Variants in IRAK4 observed in about 807,000 individuals in gnomAD.
IRAK4 encodes interleukin-1 receptor-associated kinase 4.
Under a neutral mutation model 51.8 loss-of-function variants are expected in IRAK4, and 44 were observed. The observed-to-expected ratio is 0.85, with a 90% CI of 0.67 to 1.09. The LOEUF (loss-of-function observed/expected upper bound fraction) is 1.09, where lower values mean the gene tolerates loss of function less well. IRAK4 is among the 50% of genes least tolerant of loss of function. The pLI is 0.00. For synonymous variants in IRAK4, 149 were observed against 174.1 expected, an observed-to-expected ratio of 0.86 and a Z score of 1.13; for missense variants, 487 against 538.0, an observed-to-expected ratio of 0.91 and a Z score of 0.94.
chr12:43,776,366 C>T (rs1941272839), intron 6 of IRAK4, among the ~76,000 whole-genome samples: 1 of 152,108 alleles, frequency 6.6e-6, no homozygotes, highest in East Asian at 1.9e-4. Flanking sequence ...ATAAATTCAG[C>T]AAACGTTAAC....
intron 10 of IRAK4, among the ~76,000 whole-genome samples, chr12:43,784,076 A>G (rs1250171266): frequency 6.6e-6 from 1 of 151,878 alleles, no homozygotes; most frequent in Non-Finnish European, 1.5e-5. Flanking sequence ...AGAGGGGGGA[A>G]AAAAAAGGCT....
intron 10 of IRAK4, among the ~76,000 whole-genome samples, chr12:43,785,134 C>T (rs1383742568): frequency 6.6e-6 from 1 of 152,080 alleles, no homozygotes; most frequent in African/African-American, 2.4e-5. Context: ...GTAGGGCTTA[C>T]CTCCAGGATT....
intron 10 of IRAK4, among the ~76,000 whole-genome samples, chr12:43,785,191 A>T (rs1192069725): frequency 6.6e-6 from 1 of 152,068 alleles, no homozygotes; most frequent in African/African-American, 2.4e-5. Context: ...AATTACACCT[A>T]AAAGGGCCCT....
In IRAK4 at chr12:43,771,377, G is replaced by A; in HGVS notation, c.307+12G>A. ...TCTTTTGCTCCCAGGTAAACTGATT[G>A]TGACCAGGGTGTCCACAATTAGGGT... is the stretch of plus-strand genomic sequence containing the variant. On this transcript the variant is annotated intron_variant, in intron 3 of 11. Transcript: ENST00000613694. The A allele has an allele frequency of 6.2e-7, 1 of 1,613,752 alleles. No individual in the cohort carries two copies.
intron 9 of IRAK4, among the ~76,000 whole-genome samples, chr12:43,782,760 A>C (rs1403802637): frequency 6.6e-6 from 1 of 152,204 alleles, no homozygotes; most frequent in Non-Finnish European, 1.5e-5. Flanking sequence ...TAAATGAATC[A>C]TGTCATACAG....
intron 6 of IRAK4, among the ~76,000 whole-genome samples, chr12:43,777,367 C>A (rs183389055): frequency 6.6e-6 from 1 of 152,094 alleles, no homozygotes. Flanking sequence ...CCAGCCTGGG[C>A]AACAGAGTTA....
In IRAK4 at chr12:43,782,449, G is replaced by A. The variant is rs751261930; in HGVS notation, c.1084G>A (p.Gly362Arg). The change falls in exon 9 of 12, where the codon GGA (glycine) becomes AGA (arginine). Residue 362 changes from glycine (G) to arginine (R), a missense_variant. Transcript: ENST00000613694. The stretch of plus-strand genomic sequence containing the variant: ...TTATATGGCACCAGAAGCTTTGCGT[G>A]GAGAAATAACACCCAAATCTGATAT... ...TAYMAPEALR[G>R]EITPKSDIYS... The A allele has an allele frequency of 1.2e-6, 2 of 1,613,718 alleles. No homozygotes were observed. The highest frequency in any genetic ancestry group is 1.7e-6 in the Non-Finnish European group (2 of 1,179,758).
intron 2 of IRAK4, among the ~76,000 whole-genome samples, chr12:43,770,623 A>G (rs779986270): frequency 3.8e-4 from 58 of 152,084 alleles, no homozygotes; most frequent in Non-Finnish European, 4.9e-4. Context: ...TTTTCCTCCT[A>G]TCTTTCCTGT....
Position 43,777,762 on chromosome 12 carries a change from C to A in IRAK4, c.831+18C>A. 1 of 1,583,392 alleles carries A rather than the reference C, an allele frequency of 6.3e-7. No individual in the cohort carries two copies. The highest frequency in any genetic ancestry group is 8.7e-7 in the Non-Finnish European group (1 of 1,152,444). Reference sequence around the variant, plus strand: ...CTTGCTTGGTAAGCTATTTGTTCATCAGATTGTTTGGCTTTTTGTTTATAT... The same window carrying A: ...CTTGCTTGGTAAGCTATTTGTTCATAAGATTGTTTGGCTTTTTGTTTATAT... On this transcript the variant is annotated intron_variant, in intron 7 of 11. Transcript: ENST00000613694.
At chr12:43,774,195 T>C (rs1941060883) in intron 6 of IRAK4, among the ~76,000 whole-genome samples, 166 bp downstream of exon 6, 1 of 152,230 alleles carries the variant, frequency 6.6e-6, no homozygotes, top group South Asian at 2.1e-4. Flanking sequence ...GCTCCATAAT[T>C]CTATGATTAC....
chr12:43,780,081 G>A (rs1240887066), intron 8 of IRAK4, among the ~76,000 whole-genome samples: 5 of 152,136 alleles, frequency 3.3e-5, no homozygotes, highest in South Asian at 4.1e-4. Flanking sequence ...CCCTGAAAAC[G>A]AGGAAAGAAA....
chr12:43,781,068 A>G (rs1689419577), intron 8 of IRAK4, among the ~76,000 whole-genome samples: 2 of 152,170 alleles, frequency 1.3e-5, no homozygotes, highest in South Asian at 4.1e-4. Flanking sequence ...TTCCCAACCT[A>G]AAGTCTTCCC....
At chr12:43,773,152 G>A in intron 5 of IRAK4, 80 bp downstream of exon 5, 1 of 1,216,828 alleles carries the variant, frequency 8.2e-7, no homozygotes, top group Non-Finnish European at 1.2e-6. Flanking sequence ...TAATCTTTAG[G>A]AAATACATTA....
chr12:43,777,287 G>T (rs1482486753), intron 6 of IRAK4, among the ~76,000 whole-genome samples: 1 of 152,106 alleles, frequency 6.6e-6, no homozygotes, highest in African/African-American at 2.4e-5. Context: ...TACTTGGGAG[G>T]ATGAGTTAGG....
At chr12:43,782,222 A>G in intron 8 of IRAK4, 85 bp from the exon 9 acceptor site, 1 of 805,948 alleles carries the variant, frequency 1.2e-6, no homozygotes, top group Non-Finnish European at 2.2e-6. Flanking sequence ...ATACATGCAT[A>G]CATACGTACA....
At chr12:43,780,848 G>T (rs1243165703) in intron 8 of IRAK4, among the ~76,000 whole-genome samples, 1 of 152,274 alleles carries the variant, frequency 6.6e-6, no homozygotes, top group East Asian at 1.9e-4. Context: ...TGGGATTACA[G>T]GCATTAGCCA....
At chr12:43,770,902 G>T (rs1272600807) in intron 2 of IRAK4, 4 of 505,936 alleles carry the variant, frequency 7.9e-6, no homozygotes, top group Non-Finnish European at 1.5e-5. Context: ...GCAGGAGTGG[G>T]TTAGTTATCT....
At chr12:43,768,294 A>C in intron 2 of IRAK4, 22 bp downstream of exon 2, 1 of 1,557,608 alleles carries the variant, frequency 6.4e-7, no homozygotes, top group Non-Finnish European at 8.8e-7. Context: ...AATTCTTTGT[A>C]TTTTTAAATT....
chr12:43,777,916 G>C (rs532977117), intron 7 of IRAK4, among the ~76,000 whole-genome samples, 172 bp downstream of exon 7: 2 of 152,028 alleles, frequency 1.3e-5, no homozygotes, highest in African/African-American at 4.8e-5. Context: ...TCAACAACTG[G>C]GTTGCCATTT....
Sources: allele counts gnomAD v4.1 joint callset (sites outside exome capture counted in the v4.1 genomes callset), GRCh38; gene constraint gnomAD v4.1.1; transcripts MANE v1.5; gene names NCBI Gene and HGNC (gene_info 2026-07-23, HGNC 2026-07-21).